Variants in GRID2 observed in about 807,000 individuals in gnomAD.
The protein encoded by GRID2 is glutamate receptor ionotropic, delta-2.
Under a neutral mutation model 114.8 loss-of-function variants are expected in GRID2, and 33 were observed. The ratio of observed to expected loss-of-function variants is 0.29; its 90% CI spans 0.22 to 0.38. The LOEUF (loss-of-function observed/expected upper bound fraction) is 0.38, where lower values mean the gene tolerates loss of function less well. GRID2 is among the 10% of genes least tolerant of loss of function. The pLI, the probability that GRID2 is intolerant of heterozygous loss-of-function variation, is 1.00. For synonymous variants in GRID2, 505 were observed against 449.9 expected, an observed-to-expected ratio of 1.12 and a Z score of -1.55; for missense variants, 1,184 against 1,257.7, an observed-to-expected ratio of 0.94 and a Z score of 0.89.
chr4:92,578,998 CT>C (rs923531159), intron 1 of GRID2, among the ~76,000 whole-genome samples: 11 of 151,932 alleles, frequency 7.2e-5, no homozygotes, highest in Non-Finnish European at 1.6e-4. Context: ...AAACTTGTTT[CT>C]TTTTTATTTA....
chr4:93,022,356 CAG>C (rs1723453679), intron 2 of GRID2, among the ~76,000 whole-genome samples: 2 of 151,792 alleles, frequency 1.3e-5, no homozygotes, highest in Non-Finnish European at 2.9e-5. Flanking sequence ...CCAACTCAAA[CAG>C]ATTCTTTCCT....
chr4:93,341,153 G>A (rs939996782), intron 8 of GRID2, among the ~76,000 whole-genome samples: 1 of 151,856 alleles, frequency 6.6e-6, no homozygotes, highest in Admixed American at 6.6e-5. Context: ...TATCCATAAA[G>A]GCATAACATA....
chr4:92,704,876 A>G (rs1392428872), intron 2 of GRID2, among the ~76,000 whole-genome samples: 1 of 151,510 alleles, frequency 6.6e-6, no homozygotes, highest in East Asian at 2.0e-4. Flanking sequence ...AGCAGAAATG[A>G]CAAGTGGCTA....
intron 15 of GRID2, among the ~76,000 whole-genome samples, chr4:93,771,203 C>T (rs1412372863): frequency 2.6e-5 from 4 of 152,004 alleles, no homozygotes; most frequent in South Asian, 4.1e-4. Flanking sequence ...AAATATTGGG[C>T]GTTAATACTC....
intron 13 of GRID2, among the ~76,000 whole-genome samples, chr4:93,624,898 A>C (rs529083664): frequency 1.3e-5 from 2 of 150,416 alleles, no homozygotes; most frequent in South Asian, 4.2e-4. Flanking sequence ...AGACATTGTA[A>C]GTGAACCAGA....
At chr4:92,649,109 G>C (rs1440092617) in intron 2 of GRID2, among the ~76,000 whole-genome samples, 8 of 16,920 alleles carry the variant, frequency 4.7e-4, no homozygotes, top group Middle Eastern at 0.017. Context: ...TTAACTACAA[G>C]GTGTAGCTAC....
intron 4 of GRID2, among the ~76,000 whole-genome samples, chr4:93,190,656 G>C (rs943617903): frequency 6.6e-6 from 1 of 151,996 alleles, no homozygotes; most frequent in African/African-American, 2.4e-5. Flanking sequence ...TTTTTGAACA[G>C]TGTCAACTTT....
intron 2 of GRID2, among the ~76,000 whole-genome samples, chr4:92,971,123 A>T (rs1241076438): frequency 1.3e-5 from 2 of 152,000 alleles, no homozygotes; most frequent in Non-Finnish European, 2.9e-5. Flanking sequence ...GGCATGAGCC[A>T]CTGTGCCCAG....
chr4:92,824,767 ATTAACT>A (rs1741567193), intron 2 of GRID2, among the ~76,000 whole-genome samples: 6 of 152,100 alleles, frequency 3.9e-5, no homozygotes, highest in Admixed American at 3.9e-4. Context: ...TGACTAAGAA[ATTAACT>A]TTAAATTGCC....
chr4:92,397,386 T>G (rs912145667), intron 1 of GRID2, among the ~76,000 whole-genome samples: 7 of 129,706 alleles, frequency 5.4e-5, no homozygotes, highest in Admixed American at 2.2e-4. Flanking sequence ...GTGTGTGTGT[T>G]TCTCCATTCA....
intron 2 of GRID2, among the ~76,000 whole-genome samples, chr4:92,614,952 TTTTC>T (rs1729935284): frequency 6.6e-6 from 1 of 151,546 alleles, no homozygotes; most frequent in African/African-American, 2.4e-5. Context: ...TGTTTTTTTT[TTTTC>T]TTTTAGTAAC....
chr4:92,411,669 ATATATATATG>A (rs1579316854), intron 1 of GRID2, among the ~76,000 whole-genome samples: 2 of 137,246 alleles, frequency 1.5e-5, no homozygotes, highest in East Asian at 4.2e-4. Context: ...ATATATATAT[ATATATATATG>A]AAATATACCC....
In GRID2 at chr4:93,510,796, A is replaced by T. The variant is rs533576494; in HGVS notation, c.1998-4420A>T. 3.3e-5 allele frequency among the ~76,000 whole-genome samples: 5 copies of T among 152,346 alleles called. No individual in the cohort carries two copies. The East Asian group carries it at 9.6e-4, about 29-fold the overall frequency. On this transcript the variant is annotated intron_variant, in intron 12 of 15. Coordinates refer to ENST00000282020, the MANE Select transcript of GRID2 (RefSeq NM_001510.4). ...ATCATCAACATCATAATCTTTATATAAAAACAGTAGAAACCTGATCAAATA... is the reference window on the plus strand; with the variant it reads ...ATCATCAACATCATAATCTTTATATTAAAACAGTAGAAACCTGATCAAATA...
At chr4:92,859,220 A>G (rs976908644) in intron 2 of GRID2, among the ~76,000 whole-genome samples, 2 of 152,208 alleles carry the variant, frequency 1.3e-5, no homozygotes, top group African/African-American at 4.8e-5. Context: ...ATAAAATCCT[A>G]CACCAGCAAA....
At chr4:92,439,780 A>G (rs906871509) in intron 1 of GRID2, among the ~76,000 whole-genome samples, 4 of 146,214 alleles carry the variant, frequency 2.7e-5, no homozygotes, top group African/African-American at 9.8e-5. Context: ...GAGATTCAGC[A>G]TAGTCCTGCC....
intron 14 of GRID2, among the ~76,000 whole-genome samples, chr4:93,693,932 TATAAATCAAGACAGGAA>T (rs1383940116): frequency 6.6e-6 from 1 of 151,960 alleles, no homozygotes; most frequent in Non-Finnish European, 1.5e-5. Context: ...ACCCAAGAAA[TATAAATCAAGACAGGAA>T]ATGTGATTGT....
intron 8 of GRID2, among the ~76,000 whole-genome samples, chr4:93,254,526 T>TGTG (rs1247681035): frequency 6.6e-6 from 1 of 152,138 alleles, no homozygotes; most frequent in Admixed American, 6.6e-5. Flanking sequence ...AAAGTAGTTT[T>TGTG]GTGGTTTTAA....
chr4:92,533,738 C>T (rs571496837), intron 1 of GRID2, among the ~76,000 whole-genome samples: 14 of 151,906 alleles, frequency 9.2e-5, no homozygotes, highest in Non-Finnish European at 1.5e-4. Flanking sequence ...TAGGGAAATC[C>T]GAATAAACTA....
At chr4:93,284,417 T>A (rs1256171409) in intron 8 of GRID2, among the ~76,000 whole-genome samples, 1 of 151,986 alleles carries the variant, frequency 6.6e-6, no homozygotes, top group Non-Finnish European at 1.5e-5. Flanking sequence ...CTAGGCTTAA[T>A]ACCTCGGTGA....
Sources: gnomAD v4.1 joint callset for allele counts (sites outside exome capture counted in the v4.1 genomes callset) on GRCh38, gnomAD v4.1.1 for gene constraint, MANE v1.5 for transcripts, NCBI Gene and HGNC (gene_info 2026-07-23, HGNC 2026-07-21) for gene names.